The following P2RY8 variants were observed in gnomAD, a reference collection of about 807,000 sequenced individuals.
The protein encoded by P2RY8 is S-geranylgeranyl-glutathione receptor P2RY8.
In P2RY8, 6 loss-of-function variants were observed where a neutral mutation model predicts 10.0. The ratio of observed to expected loss-of-function variants is 0.60; its 90% CI spans 0.33 to 1.19. The LOEUF (loss-of-function observed/expected upper bound fraction) is 1.19, where lower values mean the gene tolerates loss of function less well. Among genes scored for constraint, P2RY8 ranks in the 50% most tolerant of loss-of-function variants. The probability of loss-of-function intolerance (pLI) is 0.04; values close to 1 mark genes in which losing one functional copy is unlikely to be tolerated. For missense variants in P2RY8, 456 were observed against 542.0 expected (o/e 0.84, Z 1.58); for synonymous variants, 276 against 252.5 (o/e 1.09, Z -0.88).
chrX:1,478,273 G>GTGTGTGTGTGTGTGTGTGTGTA (rs539376483), intron 1 of P2RY8, among the ~76,000 whole-genome samples: 2 of 133,568 alleles, frequency 1.5e-5, no homozygotes, highest in African/African-American at 3.3e-5. Context: ...GTGTGTGTGT[G>GTGTGTGTGTGTGTGTGTGTGTA]CCCAGCAGGG....
In P2RY8 at chrX:1,505,355, G is replaced by A. The variant is rs192910268; in HGVS notation, c.-25+31566C>T. ...GTCACCGGCCTTTCCGTTGGCCTTG[G>A]CGTCTTAATGACCACAGATAGTGTC... On this transcript the variant is annotated intron_variant, in intron 1 of 1. Coordinates refer to ENST00000381297, the MANE Select transcript of P2RY8 (RefSeq NM_178129.5). 3.7e-4 allele frequency among the ~76,000 whole-genome samples: 56 copies of A among 152,238 alleles called. 2 individuals are homozygous for A. The East Asian group carries it at 0.01, about 28-fold the overall frequency.
intron 1 of P2RY8, among the ~76,000 whole-genome samples, chrX:1,475,771 C>T (rs1326328772): frequency 1.5e-4 from 23 of 152,186 alleles, no homozygotes; most frequent in African/African-American, 5.3e-4. Context: ...ATAAAGACGG[C>T]ACTGCAAAGC....
intron 1 of P2RY8, among the ~76,000 whole-genome samples, chrX:1,498,405 CAA>C (rs1175667773): frequency 0.011 from 777 of 70,564 alleles, 7 homozygotes; most frequent in African/African-American, 0.036. Context: ...GACTCTGTCT[CAA>C]AAAAAAAAAA....
In P2RY8 at chrX:1,465,011, A is replaced by G. The variant is rs1235954519; in HGVS notation, c.*468T>C. On this transcript the variant is annotated 3_prime_UTR_variant, in exon 2 of 2. Transcript: ENST00000381297. ...ATGTCAGCAGGGAGAAGAGCTGGGA[A>G]TGGGGCTCGCAGTTCGCCCACGGAG... is the stretch of plus-strand genomic sequence containing the variant. 3 of 249,968 alleles carry G rather than the reference A, an allele frequency of 1.2e-5. No individual in the cohort carries two copies. Among genetic ancestry groups the G allele is most frequent in the Non-Finnish European group, 2.3e-5 (3 of 128,428 alleles). The allele number at this position is 249,968 out of a possible 1,614,324, so 15.5% of individuals were successfully genotyped here.
intron 1 of P2RY8, among the ~76,000 whole-genome samples, chrX:1,492,122 A>G (rs762104313): frequency 4.6e-5 from 7 of 152,234 alleles, no homozygotes; most frequent in African/African-American, 1.4e-4. Context: ...AGGACTGCCA[A>G]TCAATGAGGA....
intron 1 of P2RY8, among the ~76,000 whole-genome samples, chrX:1,479,316 G>C (rs2091910680): frequency 6.6e-6 from 1 of 152,244 alleles, no homozygotes; most frequent in African/African-American, 2.4e-5. Context: ...CTAACCATAT[G>C]CCCCACAGTG....
In P2RY8 at chrX:1,466,347, A is replaced by T; in HGVS notation, c.212T>A (p.Met71Lys). The change falls in exon 2 of 2, where the codon ATG becomes AAG. Residue 71 changes from methionine to lysine, a missense_variant. Physicochemically the swap from Met to Lys is moderately conservative, Grantham distance 95 (BLOSUM62 -1). Coordinates refer to ENST00000381297, the MANE Select transcript of P2RY8 (RefSeq NM_178129.5). Reference protein sequence around the residue: ...FMINLSVTDLMLASVLPFQIY... With the variant: ...FMINLSVTDLKLASVLPFQIY... ...TTGGAAAGGCAACACGCTGGCCAGCATCAGGTCCGTGACGCTCAGGTTGAT... is the reference window on the plus strand; with the variant it reads ...TTGGAAAGGCAACACGCTGGCCAGCTTCAGGTCCGTGACGCTCAGGTTGAT... 1.2e-6 allele frequency: 2 copies of T among 1,613,868 alleles called. No homozygotes were observed. The highest frequency in any genetic ancestry group is 1.7e-6 in the Non-Finnish European group (2 of 1,179,856).
In P2RY8 at chrX:1,465,916, C is replaced by T; in HGVS notation, c.643G>A (p.Ala215Thr). The change falls in exon 2 of 2, where the codon GCC (alanine) becomes ACC (threonine). Residue 215 changes from alanine to threonine, a missense_variant. By Grantham distance (58) the Ala-to-Thr change is moderately conservative. Transcript: ENST00000381297. Reference sequence around the variant, plus strand: ...GTGCGCAACAGCTTGAGGATGGTGGCCGTGTAACAAGCCACGGTGATCACG... The same window carrying T: ...GTGCGCAACAGCTTGAGGATGGTGGTCGTGTAACAAGCCACGGTGATCACG... The part of the protein sequence containing the change: ...PFVITVACYT[A>T]TILKLLRTEE... 1 of 1,612,458 alleles carries T rather than the reference C, an allele frequency of 6.2e-7. No homozygotes were observed. Among genetic ancestry groups the T allele is most frequent in the Non-Finnish European group, 8.5e-7 (1 of 1,179,764 alleles).
intron 1 of P2RY8, among the ~76,000 whole-genome samples, chrX:1,482,558 A>G (rs2091947258): frequency 6.6e-6 from 1 of 152,122 alleles, no homozygotes; most frequent in South Asian, 2.1e-4. Context: ...GCCCATGCCT[A>G]TGTCCTGAAT....
chrX:1,521,029 C>CTTTTTTTTTTTT lies in P2RY8; in HGVS notation c.-25+15891_-25+15892insAAAAAAAAAAAA, dbSNP rs754661094. ...CTCCCCAATATCCTCTCTGATTTTT[C>CTTTTTTTTTTTT]TTTTCTTTTTTTTTTTTTTTTTTTG... On this transcript the variant is annotated intron_variant, in intron 1 of 1. Transcript: ENST00000381297. 9.5e-5 allele frequency among the ~76,000 whole-genome samples: 8 copies of CTTTTTTTTTTTT among 83,870 alleles called. 2 individuals carry two copies. Among genetic ancestry groups the CTTTTTTTTTTTT allele is most frequent in the Non-Finnish European group, 1.3e-4 (6 of 44,982 alleles). 55.0% of individuals were successfully genotyped at this position (83,870 alleles called of 152,430 possible).
intron 1 of P2RY8, among the ~76,000 whole-genome samples, chrX:1,491,771 G>A (rs1464426846): frequency 2.6e-5 from 4 of 151,994 alleles, no homozygotes; most frequent in Non-Finnish European, 5.9e-5. Context: ...AATGAGTGAC[G>A]GAATGTGTGG....
At chrX:1,518,057 C>A in intron 1 of P2RY8, among the ~76,000 whole-genome samples, 1 of 145,780 alleles carries the variant, frequency 6.9e-6, no homozygotes, top group South Asian at 2.2e-4. Flanking sequence ...TGCAGTGAGC[C>A]GAGATTTTGT....
chrX:1,509,501 C>T (rs867085254), intron 1 of P2RY8, among the ~76,000 whole-genome samples: 8 of 119,760 alleles, frequency 6.7e-5, no homozygotes, highest in African/African-American at 1.7e-4. Flanking sequence ...CCATCCATCC[C>T]TCCATCCATC....
intron 1 of P2RY8, among the ~76,000 whole-genome samples, chrX:1,483,469 T>A (rs1308321297): frequency 2.0e-5 from 3 of 151,922 alleles, no homozygotes; most frequent in Non-Finnish European, 4.4e-5. Context: ...ACCCCATCTC[T>A]ACTAAAAATA....
intron 1 of P2RY8, among the ~76,000 whole-genome samples, chrX:1,484,202 G>A (rs1232362848): frequency 1.3e-5 from 2 of 152,046 alleles, no homozygotes; most frequent in Admixed American, 6.6e-5. Context: ...CCCCAATGAC[G>A]GGAACCCTCA....
rs1222826745 is a variant in P2RY8, at chrX:1,530,153, GTATGATC to G, written c.-25+6761_-25+6767del. 8.2e-3 allele frequency among the ~76,000 whole-genome samples: 325 copies of G among 39,540 alleles called. 2 individuals are homozygous for G. Among genetic ancestry groups the G allele is most frequent in the East Asian group, 0.015 (12 of 808 alleles). 25.9% of individuals were successfully genotyped at this position (39,540 alleles called of 152,430 possible). On this transcript the variant is annotated intron_variant, in intron 1 of 1. Coordinates refer to ENST00000381297, the MANE Select transcript of P2RY8 (RefSeq NM_178129.5). Reference sequence around the variant, plus strand: ...TGTATGTATGTATGTATGTATGTATGTATGATCTATCTATCTATCTATCTATCTATCT... The same window carrying G: ...TGTATGTATGTATGTATGTATGTATGTATCTATCTATCTATCTATCTATCT...
chrX:1,517,130 C>T (rs2092356919), intron 1 of P2RY8, among the ~76,000 whole-genome samples: 1 of 151,442 alleles, frequency 6.6e-6, no homozygotes, highest in Non-Finnish European at 1.5e-5. Context: ...GATTTCCAGC[C>T]TCCAGGGCTG....
chrX:1,478,625 C>G (rs1263057302), intron 1 of P2RY8, among the ~76,000 whole-genome samples: 1 of 152,044 alleles, frequency 6.6e-6, no homozygotes, highest in Non-Finnish European at 1.5e-5. Flanking sequence ...ACTACAGGCG[C>G]CTGCCACCAT....
At chrX:1,512,546 CAAA>C (rs573449530) in intron 1 of P2RY8, among the ~76,000 whole-genome samples, 2 of 97,082 alleles carry the variant, frequency 2.1e-5, no homozygotes, top group African/African-American at 4.3e-5. Context: ...GACTCCGTCT[CAAA>C]AAAAAAAAAA....
Sources: allele counts gnomAD v4.1 joint callset (sites outside exome capture counted in the v4.1 genomes callset), GRCh38; gene constraint gnomAD v4.1.1; transcripts MANE v1.5; gene names NCBI Gene and HGNC (gene_info 2026-07-23, HGNC 2026-07-21).